SNAP91: variants seen among roughly 807,000 people sequenced by gnomAD.
SNAP91 encodes the protein synaptosome associated protein 91.
A neutral mutation model predicts 100.3 loss-of-function variants in SNAP91; 27 were observed. The observed-to-expected ratio is 0.27, with a 90% CI of 0.20 to 0.37. The LOEUF (loss-of-function observed/expected upper bound fraction) is 0.37. SNAP91 is among the 10% of genes least tolerant of loss of function. The probability of loss-of-function intolerance (pLI) is 1.00; values close to 1 mark genes in which losing one functional copy is unlikely to be tolerated. For synonymous variants in SNAP91, 404 were observed against 398.6 expected, an observed-to-expected ratio of 1.01 and a Z score of -0.16; for missense variants, 986 against 1,123.7, an observed-to-expected ratio of 0.88 and a Z score of 1.75.
intron 24 of SNAP91, among the ~76,000 whole-genome samples, chr6:83,576,457 T>A (rs886324598): frequency 1.3e-5 from 2 of 152,230 alleles, no homozygotes; most frequent in Non-Finnish European, 2.9e-5. Context: ...ATGTTGAATA[T>A]CCACTTTCAT....
intron 14 of SNAP91, among the ~76,000 whole-genome samples, chr6:83,603,370 T>C (rs1438625406): frequency 6.6e-6 from 1 of 151,930 alleles, no homozygotes; most frequent in Admixed American, 6.6e-5. Flanking sequence ...GAAATATAAT[T>C]TGGATCCAAC....
chr6:83,661,675 T>G (rs1439374962), intron 4 of SNAP91, 71 bp from the exon 5 acceptor site: 6 of 804,940 alleles, frequency 7.5e-6, no homozygotes, highest in African/African-American at 1.7e-5. Flanking sequence ...ATAGTACTAT[T>G]TTTTTTTAAC....
chr6:83,662,030 C>T (rs62419593), intron 4 of SNAP91, among the ~76,000 whole-genome samples: 9,512 of 152,110 alleles, frequency 0.063, 446 homozygotes, highest in Non-Finnish European at 0.095. Context: ...TTCTTTAAGA[C>T]TCGAATCACT....
At chr6:83,689,476 A>G (rs567415218) in intron 2 of SNAP91, 1 of 152,322 alleles carries the variant, frequency 6.6e-6, no homozygotes, top group East Asian at 1.9e-4. Flanking sequence ...ATGAAATTTA[A>G]TATATTTTAC....
intron 5 of SNAP91, 26 bp from the exon 6 acceptor site, chr6:83,659,118 A>C (rs371717902): frequency 8.0e-6 from 12 of 1,499,388 alleles, no homozygotes; most frequent in Non-Finnish European, 1.1e-5. Flanking sequence ...AAAAAAAGGT[A>C]CAATTTCATT....
intron 2 of SNAP91, among the ~76,000 whole-genome samples, chr6:83,701,982 G>A (rs562313423): frequency 6.6e-6 from 1 of 152,076 alleles, no homozygotes; most frequent in South Asian, 2.1e-4. Context: ...TTGACACAGG[G>A]TATACCATTC....
chr6:83,708,031 C>T, intron 1 of SNAP91, 74 bp from the exon 2 acceptor site: 1 of 1,344,112 alleles, frequency 7.4e-7, no homozygotes. Context: ...GCCTTGCCTC[C>T]TCCAGCCGCG....
At chr6:83,588,992 G>A (rs538792162) in intron 22 of SNAP91, among the ~76,000 whole-genome samples, 9 of 152,268 alleles carry the variant, frequency 5.9e-5, no homozygotes, top group African/African-American at 1.9e-4. Flanking sequence ...AGAATTCATA[G>A]GCTTCTGTGA....
intron 14 of SNAP91, among the ~76,000 whole-genome samples, chr6:83,602,775 T>C (rs1051951972): frequency 6.6e-6 from 1 of 152,070 alleles, no homozygotes; most frequent in African/African-American, 2.4e-5. Context: ...AAAAGTGCTG[T>C]CTAATCATCA....
chr6:83,566,320 TTTAAG>T (rs1455870644), intron 26 of SNAP91, among the ~76,000 whole-genome samples: 1 of 152,200 alleles, frequency 6.6e-6, no homozygotes, highest in Admixed American at 6.5e-5. Flanking sequence ...AATTGTATAC[TTTAAG>T]TTGTTAAAAT....
intron 16 of SNAP91, among the ~76,000 whole-genome samples, chr6:83,600,740 T>C (rs960174710): frequency 1.3e-5 from 2 of 152,226 alleles, no homozygotes; most frequent in Non-Finnish European, 2.9e-5. Context: ...AAGTTTTTAT[T>C]TGGACAGAAC....
chr6:83,644,648 A>G (rs1439970097), intron 7 of SNAP91, among the ~76,000 whole-genome samples: 1 of 152,248 alleles, frequency 6.6e-6, no homozygotes, highest in Non-Finnish European at 1.5e-5. Context: ...GAAAAAAATT[A>G]TCATCTCTGA....
chr6:83,579,070 T>C (rs1357452112), intron 24 of SNAP91, among the ~76,000 whole-genome samples: 1 of 152,218 alleles, frequency 6.6e-6, no homozygotes, highest in Non-Finnish European at 1.5e-5. Context: ...TTCTGGGATC[T>C]TTATTCTATA....
chr6:83,668,528 T>G (rs1323749523), intron 2 of SNAP91, among the ~76,000 whole-genome samples: 1 of 152,046 alleles, frequency 6.6e-6, no homozygotes, highest in Non-Finnish European at 1.5e-5. Flanking sequence ...ATGTCCTTTG[T>G]AGGGACATGG....
chr6:83,620,333 T>G lies in SNAP91; in HGVS notation c.807+2968A>C, dbSNP rs1016533948. Among the ~76,000 whole-genome samples the G allele has an allele frequency of 3.9e-5, 6 of 152,210 alleles. No homozygotes were observed. In the East Asian group the frequency reaches 1.2e-3, roughly 29 times the overall value. ...TTGTTCATTACCTGGCTAGATTGAATGGCCATGGTGGCCGCAGACAAGCCT... is the reference window on the plus strand; with the variant it reads ...TTGTTCATTACCTGGCTAGATTGAAGGGCCATGGTGGCCGCAGACAAGCCT... On this transcript the variant is annotated intron_variant, in intron 9 of 29. Coordinates refer to ENST00000369694, the MANE Select transcript of SNAP91 (RefSeq NM_001242792.2).
At chr6:83,659,238 C>A in intron 5 of SNAP91, 146 bp from the exon 6 acceptor site, 1 of 633,804 alleles carries the variant, frequency 1.6e-6, no homozygotes, top group Non-Finnish European at 2.7e-6. Flanking sequence ...AGGTTGTAGT[C>A]ATTTCCCCCC....
At chr6:83,683,733 T>C (rs183501069) in intron 2 of SNAP91, among the ~76,000 whole-genome samples, 7 of 152,338 alleles carry the variant, frequency 4.6e-5, no homozygotes, top group Admixed American at 2.6e-4. Flanking sequence ...ATACTTCTAG[T>C]AGACCTGGAT....
intron 2 of SNAP91, among the ~76,000 whole-genome samples, chr6:83,671,739 T>G (rs2098790073): frequency 6.6e-6 from 1 of 152,092 alleles, no homozygotes. Flanking sequence ...AAGTAATTGT[T>G]CACTAAAACA....
chr6:83,646,082 T>C (rs2097906971), intron 7 of SNAP91, among the ~76,000 whole-genome samples: 1 of 152,242 alleles, frequency 6.6e-6, no homozygotes, highest in Non-Finnish European at 1.5e-5. Context: ...TGTTTTATTA[T>C]TTTTTAGTTC....
Sources: allele counts gnomAD v4.1 joint callset (sites outside exome capture counted in the v4.1 genomes callset), GRCh38; gene constraint gnomAD v4.1.1; transcripts MANE v1.5; gene names NCBI Gene and HGNC (gene_info 2026-07-23, HGNC 2026-07-21).